The following PCDH11Y variants were observed in gnomAD, a reference collection of about 807,000 sequenced individuals.
The protein encoded by PCDH11Y is protocadherin-11 Y-linked.
For synonymous variants in PCDH11Y, 9 were observed against 83.6 expected, an observed-to-expected ratio of 0.11 and a Z score of 4.87; for missense variants, 12 against 224.8, an observed-to-expected ratio of 0.05 and a Z score of 6.05.
downstream of PCDH11Y, among the ~76,000 whole-genome samples, chrY:5,109,776 T>C (rs2052801246): frequency 3.0e-5 from 1 of 33,732 alleles, no homozygotes; most frequent in Admixed American, 2.7e-4. Context: ...TAGAACAACC[T>C]AGTTACATAA....
intron 2 of PCDH11Y, among the ~76,000 whole-genome samples, chrY:5,420,678 T>C (rs2053256748): frequency 3.5e-5 from 1 of 28,320 alleles, no homozygotes; most frequent in Non-Finnish European, 8.3e-5. Context: ...GTAAGTAAAA[T>C]AGAGAATAGA....
intron 2 of PCDH11Y, among the ~76,000 whole-genome samples, chrY:5,421,107 G>A: frequency 1.3e-4 from 4 of 30,422 alleles, no homozygotes; most frequent in African/African-American, 2.6e-4. Flanking sequence ...GAGCGTGGTC[G>A]TGCGTGCCTG....
chrY:5,199,355 T>G, intron 2 of PCDH11Y, among the ~76,000 whole-genome samples: 1 of 30,655 alleles, frequency 3.3e-5, no homozygotes, highest in Non-Finnish European at 7.8e-5. Flanking sequence ...TGGCCCGATC[T>G]CGGCTCACTG....
intron 2 of PCDH11Y, among the ~76,000 whole-genome samples, chrY:5,466,647 CATT>C (rs2053308410): frequency 3.1e-5 from 1 of 32,316 alleles, no homozygotes. Flanking sequence ...AATTCTCAGA[CATT>C]ATTAGGTACT....
chrY:5,186,685 T>C, intron 2 of PCDH11Y, among the ~76,000 whole-genome samples: 2 of 28,782 alleles, frequency 6.9e-5, no homozygotes, highest in African/African-American at 2.8e-4. Flanking sequence ...TTATGGGAGC[T>C]ACAGTTCAAG....
At chrY:5,621,013 C>T in intron 4 of PCDH11Y, among the ~76,000 whole-genome samples, 1 of 32,629 alleles carries the variant, frequency 3.1e-5, no homozygotes, top group Non-Finnish European at 7.5e-5. Context: ...GTCACCACTT[C>T]TATTCAACAT....
At chrY:5,440,754 TATATAG>T (rs2053280206) in intron 2 of PCDH11Y, among the ~76,000 whole-genome samples, 1 of 17,049 alleles carries the variant, frequency 5.9e-5, no homozygotes, top group Non-Finnish European at 1.3e-4. Context: ...TATATATATA[TATATAG>T]AGAGAGAGAG....
intron 4 of PCDH11Y, among the ~76,000 whole-genome samples, chrY:5,628,721 T>C: frequency 8.8e-5 from 3 of 33,987 alleles, no homozygotes; most frequent in Non-Finnish European, 2.2e-4. Flanking sequence ...AAAAGCAATC[T>C]GAGTTTCTTA....
chrY:5,353,921 C>G, intron 2 of PCDH11Y, among the ~76,000 whole-genome samples: 1 of 33,063 alleles, frequency 3.0e-5, no homozygotes, highest in Admixed American at 2.8e-4. Flanking sequence ...TTGCGTGAAC[C>G]CGGGAGGCAG....
chrY:5,176,799 G>A, intron 2 of PCDH11Y, among the ~76,000 whole-genome samples: 1 of 33,039 alleles, frequency 3.0e-5, no homozygotes, highest in Admixed American at 2.8e-4. Flanking sequence ...GCAAACTTTC[G>A]TGAATATCTG....
intron 3 of PCDH11Y, among the ~76,000 whole-genome samples, chrY:5,575,843 C>T: frequency 9.2e-5 from 3 of 32,561 alleles, no homozygotes; most frequent in Non-Finnish European, 2.3e-4. Context: ...CAAAGGAACA[C>T]GCTTTACAAA....
intron 3 of PCDH11Y, among the ~76,000 whole-genome samples, chrY:5,536,933 T>C: frequency 3.0e-5 from 1 of 33,306 alleles, no homozygotes; most frequent in Non-Finnish European, 7.4e-5. Flanking sequence ...TGTGCCTATT[T>C]TTATACCTGT....
chrY:5,719,538 G>A, intron 4 of PCDH11Y, among the ~76,000 whole-genome samples: 1 of 33,578 alleles, frequency 3.0e-5, no homozygotes, highest in Non-Finnish European at 7.4e-5. Context: ...CTTACATGTG[G>A]TATTGGGCCT....
intron 2 of PCDH11Y, among the ~76,000 whole-genome samples, chrY:5,197,599 G>A (rs1602884449): frequency 3.2e-5 from 1 of 30,987 alleles, no homozygotes; most frequent in Admixed American, 3.0e-4. Context: ...ACAATGATAG[G>A]CTGGATTAAG....
chrY:5,247,025 C>A, intron 2 of PCDH11Y, among the ~76,000 whole-genome samples: 1 of 33,879 alleles, frequency 3.0e-5, no homozygotes, highest in Non-Finnish European at 7.4e-5. Context: ...GGATTCAATG[C>A]AACAAGAAGA....
intron 2 of PCDH11Y, among the ~76,000 whole-genome samples, chrY:5,400,190 G>T: frequency 2.9e-5 from 1 of 34,495 alleles, no homozygotes; most frequent in Non-Finnish European, 7.3e-5. Context: ...ATGAGCTCTG[G>T]CTAGTTATCT....
At chrY:5,375,114 T>G in intron 2 of PCDH11Y, among the ~76,000 whole-genome samples, 1 of 32,990 alleles carries the variant, frequency 3.0e-5, no homozygotes, top group Admixed American at 2.8e-4. Context: ...ATATGGTTGG[T>G]GTACATGTAG....
At chrY:5,443,456 C>A (rs2053284361) in intron 2 of PCDH11Y, among the ~76,000 whole-genome samples, 1 of 32,883 alleles carries the variant, frequency 3.0e-5, no homozygotes, top group Non-Finnish European at 7.6e-5. Flanking sequence ...CTATGGCCAG[C>A]ATAATACTAC....
intron 2 of PCDH11Y, among the ~76,000 whole-genome samples, chrY:5,136,042 A>G: frequency 3.1e-5 from 1 of 32,524 alleles, no homozygotes; most frequent in Non-Finnish European, 7.5e-5. Flanking sequence ...CATACTAAAC[A>G]TATTAACAAC....
Sources: gnomAD v4.1 joint callset for allele counts (sites outside exome capture counted in the v4.1 genomes callset) on GRCh38, gnomAD v4.1.1 for gene constraint, MANE v1.5 for transcripts, NCBI Gene and HGNC (gene_info 2026-07-23, HGNC 2026-07-21) for gene names.